Variants in SACM1L observed in about 807,000 individuals in gnomAD.
SACM1L encodes phosphatidylinositol-3-phosphatase SAC1.
A neutral mutation model predicts 89.5 loss-of-function variants in SACM1L; 32 were observed. The ratio of observed to expected loss-of-function variants is 0.36; its 90% confidence interval spans 0.27 to 0.48. The LOEUF is 0.48. Ranked by LOEUF, SACM1L falls within the 20% of genes least tolerant of loss-of-function variation. The probability of loss-of-function intolerance (pLI) is 0.99; values close to 1 mark genes in which losing one functional copy is unlikely to be tolerated. For missense variants in SACM1L, 543 were observed against 708.5 expected, an observed-to-expected ratio of 0.77 and a Z score of 2.65; for synonymous variants, 213 against 232.8, an observed-to-expected ratio of 0.92 and a Z score of 0.77.
chr3:45,742,046 TTTG>T (rs1699327630), intron 19 of SACM1L, among the ~76,000 whole-genome samples: 1 of 152,142 alleles, frequency 6.6e-6, no homozygotes, highest in African/African-American at 2.4e-5. Context: ...ATTAGTTCAT[TTTG>T]TTGTTGTGAC....
chr3:45,725,118 G>A (rs1463658538), intron 11 of SACM1L, among the ~76,000 whole-genome samples: 1 of 152,182 alleles, frequency 6.6e-6, no homozygotes, highest in Non-Finnish European at 1.5e-5. Flanking sequence ...ATCGGGAAGT[G>A]TGATAATTCC....
At chr3:45,724,809 C>T (rs993325853) in intron 11 of SACM1L, among the ~76,000 whole-genome samples, 51 of 151,914 alleles carry the variant, frequency 3.4e-4, no homozygotes, top group Admixed American at 3.1e-3. Context: ...ATTTTTGTTT[C>T]GTGTATGTGT....
intron 5 of SACM1L, among the ~76,000 whole-genome samples, chr3:45,711,193 C>A (rs912160354): frequency 1.3e-5 from 2 of 152,150 alleles, no homozygotes; most frequent in African/African-American, 4.8e-5. Context: ...AGAAAGGTAA[C>A]TTTTGAGCTG....
At chr3:45,743,462 C>CT (rs1450082333) in intron 19 of SACM1L, 71 bp from the exon 20 acceptor site, 1 of 1,484,106 alleles carries the variant, frequency 6.7e-7, no homozygotes, top group Admixed American at 2.3e-5. Flanking sequence ...CCAAAATGTG[C>CT]TAAACAGCTG....
rs1315654346 is a variant in SACM1L at position 45,743,757 on chromosome 3, A to G, written c.*88A>G. On this transcript the variant is annotated 3_prime_UTR_variant, in exon 20 of 20. Coordinates refer to ENST00000389061, the MANE Select transcript of SACM1L (RefSeq NM_014016.5). ...CTGACCCGCTTTCCACATCAGCCCA[A>G]GGTCTTTTTAATGCCTTTATCCAAA... 15 of 1,435,506 alleles carry G rather than the reference A, an allele frequency of 1.0e-5. No homozygotes were observed. The highest frequency in any genetic ancestry group is 1.3e-5 in the Non-Finnish European group (14 of 1,068,152). The allele number at this position is 1,435,506 out of a possible 1,614,324, so 88.9% of individuals were successfully genotyped here.
intron 18 of SACM1L, 47 bp from the exon 19 acceptor site, chr3:45,739,540 T>C (rs897528332): frequency 3.2e-6 from 5 of 1,575,342 alleles, no homozygotes; most frequent in Non-Finnish European, 4.4e-6. Flanking sequence ...TTTGCTGCCA[T>C]TGATTAGCAT....
At chr3:45,716,386 C>T (rs1698661931) in intron 7 of SACM1L, among the ~76,000 whole-genome samples, 1 of 152,138 alleles carries the variant, frequency 6.6e-6, no homozygotes, top group Non-Finnish European at 1.5e-5. Context: ...TCAGGAGGAT[C>T]ACTTGACCCC....
intron 7 of SACM1L, among the ~76,000 whole-genome samples, chr3:45,718,216 G>A (rs1698708663): frequency 6.6e-6 from 1 of 151,866 alleles, no homozygotes; most frequent in Non-Finnish European, 1.5e-5. Context: ...AGCCATAGCA[G>A]CAGCAAATGA....
At chr3:45,692,692 A>G (rs975654313) in intron 1 of SACM1L, among the ~76,000 whole-genome samples, 2 of 152,156 alleles carry the variant, frequency 1.3e-5, no homozygotes, top group African/African-American at 2.4e-5. Flanking sequence ...CTTTTCCTTC[A>G]CTGAGTTCTG....
At chr3:45,725,161 C>T (rs961852595) in intron 11 of SACM1L, among the ~76,000 whole-genome samples, 1 of 152,110 alleles carries the variant, frequency 6.6e-6, no homozygotes, top group Non-Finnish European at 1.5e-5. Context: ...ATTATTTTGG[C>T]TACTTGAGAT....
At chr3:45,738,226 G>A (rs1489455550) in intron 16 of SACM1L, among the ~76,000 whole-genome samples, 1 of 152,212 alleles carries the variant, frequency 6.6e-6, no homozygotes, top group Non-Finnish European at 1.5e-5. Context: ...TATTATGCAT[G>A]CAGTGGCTCT....
At chr3:45,696,454 C>T (rs373145092) in intron 1 of SACM1L, among the ~76,000 whole-genome samples, 2 of 152,240 alleles carry the variant, frequency 1.3e-5, no homozygotes, top group East Asian at 3.9e-4. Context: ...TTTTGAAACC[C>T]TACTTTCAGT....
intron 1 of SACM1L, among the ~76,000 whole-genome samples, chr3:45,700,265 C>T (rs1287864325): frequency 6.6e-6 from 1 of 152,148 alleles, no homozygotes; most frequent in Non-Finnish European, 1.5e-5. Flanking sequence ...AGGTAACACA[C>T]CCTTTGTCTG....
At chr3:45,732,246 T>G in intron 13 of SACM1L, 95 bp downstream of exon 13, 1 of 579,026 alleles carries the variant, frequency 1.7e-6, no homozygotes, top group Non-Finnish European at 3.0e-6. Flanking sequence ...ACAAGTACAG[T>G]TCACTGGATT....
chr3:45,731,132 T>C (rs1699044596), intron 11 of SACM1L, among the ~76,000 whole-genome samples, 169 bp from the exon 12 acceptor site: 1 of 152,226 alleles, frequency 6.6e-6, no homozygotes, highest in South Asian at 2.1e-4. Context: ...ATAAAACCTT[T>C]AATCGTTTTT....
Position 45,739,616 on chromosome 3 carries a change from A to G in SACM1L, c.1599A>G (p.Ser533=). Residue 533 remains serine, a synonymous_variant, in exon 19 of 20, where the codon TCA becomes TCG. Transcript: ENST00000389061. ...ALPIIMVVAF[S]MCIICLLMAG... The stretch of plus-strand genomic sequence containing the variant: ...CTATTATCATGGTTGTTGCCTTTTC[A>G]ATGTGCATTATCTGTTTGCTTATGG... 2 of 1,614,042 alleles carry G rather than the reference A, an allele frequency of 1.2e-6. No homozygotes were observed. The highest frequency in any genetic ancestry group is 1.7e-6 in the Non-Finnish European group (2 of 1,179,970).
At chr3:45,740,327 A>C (rs1275515644) in intron 19 of SACM1L, among the ~76,000 whole-genome samples, 1 of 152,142 alleles carries the variant, frequency 6.6e-6, no homozygotes, top group African/African-American at 2.4e-5. Flanking sequence ...TACCTGTGAA[A>C]ATAAACTGTT....
Position 45,705,783 on chromosome 3 carries a change from C to G in SACM1L, c.205+574C>G, listed in dbSNP as rs185303494. 2.0e-4 allele frequency among the ~76,000 whole-genome samples: 30 copies of G among 152,260 alleles called. 1 individual carries two copies. In the East Asian group the frequency reaches 5.6e-3, roughly 28 times the overall value. On this transcript the variant is annotated intron_variant, in intron 3 of 19. Transcript: ENST00000389061. ...CCTCCCAAAGTGCTGGGATTACAGG[C>G]ATGAGCCACCACGCCCATCCTGTAA...
chr3:45,723,435 TAA>T, intron 10 of SACM1L, 38 bp from the exon 11 acceptor site: 1 of 835,660 alleles, frequency 1.2e-6, no homozygotes, highest in Non-Finnish European at 1.7e-6. Context: ...ATAAATTACA[TAA>T]TGTACTCCAG....
Sources: allele counts gnomAD v4.1 joint callset (sites outside exome capture counted in the v4.1 genomes callset), GRCh38; gene constraint gnomAD v4.1.1; transcripts MANE v1.5; gene names NCBI Gene and HGNC (gene_info 2026-07-23, HGNC 2026-07-21).